Variants in LRP5 observed in about 807,000 individuals in gnomAD.
The protein encoded by LRP5 is LDL receptor related protein 5, also known as low-density lipoprotein receptor-related protein 5.
In LRP5, 62 loss-of-function variants were observed where a neutral mutation model predicts 154.1. The ratio of observed to expected loss-of-function variants is 0.40; its 90% CI spans 0.33 to 0.50. The LOEUF (loss-of-function observed/expected upper bound fraction) is 0.50, where lower values mean the gene tolerates loss of function less well. Ranked by LOEUF, LRP5 falls within the 20% of genes least tolerant of loss-of-function variation. LRP5 has a pLI of 0.55. For synonymous variants in LRP5, 966 were observed against 1,011.5 expected (o/e 0.96, Z 0.85); for missense variants, 1,915 against 2,336.7 (o/e 0.82, Z 3.72).
In LRP5 at chr11:68,348,605, T is replaced by TG. The variant is rs541046739; in HGVS notation, c.488+369dup. ...CGGTGTCACTCTTAAAATGAACCCG[T>TG]GGGGGGGTTGGCTCAGGCCTGTAAC... is the stretch of plus-strand genomic sequence containing the variant. On this transcript the variant is annotated intron_variant, in intron 2 of 22. Coordinates refer to ENST00000294304, the MANE Select transcript of LRP5 (RefSeq NM_002335.4). Among the ~76,000 whole-genome samples the TG allele has an allele frequency of 3.0e-4, 45 of 147,904 alleles. 1 individual carries two copies. Among genetic ancestry groups the TG allele is most frequent in the African/African-American group, 1.1e-3 (42 of 39,502 alleles).
chr11:68,370,991 T>C (rs2098633727), intron 5 of LRP5, among the ~76,000 whole-genome samples: 1 of 152,090 alleles, frequency 6.6e-6, no homozygotes, highest in Non-Finnish European at 1.5e-5. Flanking sequence ...TTTGTAAGCA[T>C]GGTTCCCCAG....
At chr11:68,416,550 G>A in intron 13 of LRP5, 23 bp downstream of exon 13, 1 of 1,611,784 alleles carries the variant, frequency 6.2e-7, no homozygotes, top group Non-Finnish European at 8.5e-7. Flanking sequence ...TGGGAAGGGT[G>A]CGGGGTGTGC....
chr11:68,442,649 A>G (rs551972628), intron 21 of LRP5, among the ~76,000 whole-genome samples: 5 of 152,336 alleles, frequency 3.3e-5, no homozygotes, highest in African/African-American at 1.2e-4. Context: ...TTTGCTGCTA[A>G]CGATGTATAA....
chr11:68,448,309 C>T (rs2098682546), intron 22 of LRP5, among the ~76,000 whole-genome samples: 1 of 152,194 alleles, frequency 6.6e-6, no homozygotes, highest in Non-Finnish European at 1.5e-5. Context: ...GGTGGGGACA[C>T]AGCCAAACCC....
At chr11:68,399,696 A>G (rs1453312334) in intron 7 of LRP5, among the ~76,000 whole-genome samples, 1 of 152,144 alleles carries the variant, frequency 6.6e-6, no homozygotes, top group Non-Finnish European at 1.5e-5. Flanking sequence ...CGGCTCAGGC[A>G]TTCTTGGAAA....
intron 1 of LRP5, among the ~76,000 whole-genome samples, chr11:68,325,597 C>T (rs1354435663): frequency 6.6e-6 from 1 of 152,214 alleles, no homozygotes; most frequent in African/African-American, 2.4e-5. Context: ...AGCCTCCTTC[C>T]CCTACCCCGA....
intron 11 of LRP5, 31 bp downstream of exon 11, chr11:68,411,651 G>A (rs1565089474): frequency 6.3e-7 from 1 of 1,591,340 alleles, no homozygotes; most frequent in African/African-American, 1.3e-5. Context: ...TTCTGGTCAT[G>A]GAGGGCGGGG....
chr11:68,347,903 G>A lies in LRP5; in HGVS notation c.148G>A (p.Gly50Arg), dbSNP rs558895370. Residue 50 changes from glycine (G) to arginine (R), a missense_variant, in exon 2 of 23, where the codon GGA becomes AGA. By Grantham distance (125) the Gly-to-Arg change is moderately radical. This residue lies in a region of LRP5 where 773 missense variants were observed against 1,100.9 expected (regional missense o/e 0.70). Coordinates refer to ENST00000294304, the MANE Select transcript of LRP5 (RefSeq NM_002335.4). ...RRDVRLVDAG[G>R]VKLESTIVVS... is the part of the protein sequence containing the mutation. ...GGACGTACGGCTGGTGGACGCCGGCGGAGTCAAGCTGGAGTCCACCATCGT... is the reference window on the plus strand; with the variant it reads ...GGACGTACGGCTGGTGGACGCCGGCAGAGTCAAGCTGGAGTCCACCATCGT... 2.9e-5 allele frequency: 46 copies of A among 1,613,330 alleles called. No individual in the cohort carries two copies. The highest frequency in any genetic ancestry group is 5.0e-5 in the Admixed American group (3 of 60,028).
At chr11:68,442,591 C>T (rs939664028) in intron 21 of LRP5, among the ~76,000 whole-genome samples, 7 of 152,174 alleles carry the variant, frequency 4.6e-5, no homozygotes, top group South Asian at 2.1e-4. Flanking sequence ...TATGTGTTTT[C>T]GTAAGCCCGA....
chr11:68,432,629 G>T (rs1033190830), intron 17 of LRP5, among the ~76,000 whole-genome samples: 1 of 152,244 alleles, frequency 6.6e-6, no homozygotes, highest in Admixed American at 6.5e-5. Context: ...CTTGGCGGGG[G>T]CTTTGCTCAG....
chr11:68,438,414 G>T, intron 19 of LRP5, 32 bp from the exon 20 acceptor site: 3 of 1,598,400 alleles, frequency 1.9e-6, no homozygotes, highest in Non-Finnish European at 2.6e-6. Flanking sequence ...TGGGGTTAAT[G>T]TTGGCCACCT....
intron 5 of LRP5, among the ~76,000 whole-genome samples, chr11:68,379,665 G>T (rs17149041): frequency 0.046 from 7,023 of 152,252 alleles, 541 homozygotes; most frequent in African/African-American, 0.16. Context: ...CTATTGACTT[G>T]TATGCCTTTT....
chr11:68,426,515 C>T (rs891331632), intron 16 of LRP5, among the ~76,000 whole-genome samples: 1 of 150,950 alleles, frequency 6.6e-6, no homozygotes, highest in Non-Finnish European at 1.5e-5. Flanking sequence ...GCCTCGACCT[C>T]TGGGCTTAAT....
intron 1 of LRP5, among the ~76,000 whole-genome samples, chr11:68,322,947 G>A (rs1218346652): frequency 6.6e-6 from 1 of 152,190 alleles, no homozygotes; most frequent in Non-Finnish European, 1.5e-5. Context: ...AGCCTCCTAG[G>A]GCCCAGACTC....
At chr11:68,318,292 C>T (rs1280557409) in intron 1 of LRP5, among the ~76,000 whole-genome samples, 8 of 151,122 alleles carry the variant, frequency 5.3e-5, no homozygotes, top group South Asian at 2.1e-4. Flanking sequence ...CTGATCCTCC[C>T]GCTCGGCTTC....
chr11:68,343,357 A>G (rs551084977), intron 1 of LRP5, among the ~76,000 whole-genome samples: 2 of 152,160 alleles, frequency 1.3e-5, no homozygotes, highest in Admixed American at 1.3e-4. Context: ...GGGCGACAGC[A>G]CTGTGTATTT....
chr11:68,352,728 G>T (rs1241536454), intron 2 of LRP5, among the ~76,000 whole-genome samples: 6 of 147,220 alleles, frequency 4.1e-5, no homozygotes, highest in African/African-American at 1.6e-4. Context: ...GGAGGTGCTT[G>T]GCACTTGGTT....
In LRP5 at chr11:68,386,845, G is replaced by A; in HGVS notation, c.1412+133G>A. The A allele has an allele frequency of 2.8e-6, 3 of 1,090,066 alleles. No homozygotes were observed. Among genetic ancestry groups the A allele is most frequent in the African/African-American group, 1.6e-5 (1 of 63,558 alleles). The allele number at this position is 1,090,066 out of a possible 1,614,324, so 67.5% of individuals were successfully genotyped here. On this transcript the variant is annotated intron_variant, in intron 6 of 22. Coordinates refer to ENST00000294304, the MANE Select transcript of LRP5 (RefSeq NM_002335.4). The surrounding 1 kb of genome is among the most constrained non-coding windows in gnomAD (Gnocchi z 7.9). ...CGGAGGAGGGCTTGTTAAAACACCG[G>A]CAGCTGGGCCCCACCCCCAGAGCGG...
intron 13 of LRP5, among the ~76,000 whole-genome samples, chr11:68,417,104 T>C (rs1288711260): frequency 6.6e-6 from 1 of 152,238 alleles, no homozygotes; most frequent in African/African-American, 2.4e-5. Flanking sequence ...ACGTTAATGC[T>C]GCAATAAATA....
Sources: allele counts gnomAD v4.1 joint callset (sites outside exome capture counted in the v4.1 genomes callset), GRCh38; gene constraint gnomAD v4.1.1; regional missense constraint gnomAD v4.1.1; non-coding constraint Gnocchi (gnomAD v3.1); transcripts MANE v1.5; gene names NCBI Gene and HGNC (gene_info 2026-07-23, HGNC 2026-07-21).